Variants in FKRP observed in about 807,000 individuals in gnomAD.
FKRP encodes fukutin related protein.
A neutral mutation model predicts 30.6 loss-of-function variants in FKRP; 25 were observed. The ratio of observed to expected loss-of-function variants is 0.82; its 90% confidence interval spans 0.60 to 1.14. FKRP has a LOEUF of 1.14. Among genes scored for constraint, FKRP ranks in the 50% most tolerant of loss-of-function variants. The probability of loss-of-function intolerance (pLI) is 0.00; values close to 1 mark genes in which losing one functional copy is unlikely to be tolerated. For missense variants in FKRP, 771 were observed against 727.8 expected, an observed-to-expected ratio of 1.06 and a Z score of -0.68; for synonymous variants, 358 against 342.5, an observed-to-expected ratio of 1.05 and a Z score of -0.50.
intron 3 of FKRP, among the ~76,000 whole-genome samples, chr19:46,749,443 G>C (rs545480766): frequency 7.2e-4 from 95 of 131,622 alleles, no homozygotes; most frequent in African/African-American, 2.7e-3. Context: ...ATAAGGTCTC[G>C]AGGCCAGGCG....
At chr19:46,752,278 G>A (rs138360423) in intron 3 of FKRP, among the ~76,000 whole-genome samples, 252 of 152,298 alleles carry the variant, frequency 1.7e-3, no homozygotes, top group Non-Finnish European at 2.2e-3. Context: ...ACAGTCTCTT[G>A]CTGTGACCTT....
upstream of FKRP, chr19:46,746,021 G>C: frequency 8.4e-7 from 1 of 1,184,218 alleles, no homozygotes. Context: ...GACCGTCGCG[G>C]TCCCCTCCCG....
chr19:46,754,367 T>G (rs925188736), intron 3 of FKRP: 11 of 144,590 alleles, frequency 7.6e-5, no homozygotes, highest in Non-Finnish European at 1.5e-4. Context: ...CTTTTTTTTT[T>G]TTAATTTTTA....
intron 3 of FKRP, among the ~76,000 whole-genome samples, chr19:46,752,324 G>A (rs1026917532): frequency 3.3e-5 from 5 of 152,048 alleles, no homozygotes; most frequent in South Asian, 2.1e-4. Flanking sequence ...ATGTGTGTTC[G>A]GAGCTCCTAT....
In FKRP at chr19:46,757,581, G is replaced by A. The variant is rs1269639468; in HGVS notation, c.*643G>A. The A allele has an allele frequency of 5.8e-6, 1 of 171,660 alleles. No individual in the cohort carries two copies. Among genetic ancestry groups the A allele is most frequent in the East Asian group, 1.9e-4 (1 of 5,316 alleles). 10.6% of individuals were successfully genotyped at this position (171,660 alleles called of 1,614,324 possible). On this transcript the variant is annotated 3_prime_UTR_variant, in exon 4 of 4. Coordinates refer to ENST00000318584, the MANE Select transcript of FKRP (RefSeq NM_024301.5). Reference sequence around the variant, plus strand: ...TAGCCATCTACTCTCTTGAGCCTTTGGACTTCTCTCCAAGCCCCTGTGGGA... The same window carrying A: ...TAGCCATCTACTCTCTTGAGCCTTTAGACTTCTCTCCAAGCCCCTGTGGGA...
rs886038683 is a variant in FKRP at position 46,756,158 on chromosome 19, G to A, written c.708G>A (p.Leu236=). Residue 236 remains leucine (L), a synonymous_variant, in exon 4 of 4, where the codon CTG becomes CTA. Transcript: ENST00000318584. The surrounding 1 kb of genome is among the most constrained non-coding windows in gnomAD (Gnocchi z 6.6). ...TTCGCGGCTGGGCGGTGCAGCTGCT[G>A]GACTTGACCTTCGCCGCGGCGCGCC... ...TALRGWAVQL[L]DLTFAAARQP... 2 of 1,463,566 alleles carry A rather than the reference G, an allele frequency of 1.4e-6. No individual in the cohort carries two copies. The highest frequency in any genetic ancestry group is 5.8e-5 in the East Asian group (2 of 34,488). 90.7% of individuals were successfully genotyped at this position (1,463,566 alleles called of 1,614,324 possible).
At chr19:46,746,040 CCGGCCGT>C, upstream of FKRP, 3 of 1,182,398 alleles carry the variant, frequency 2.5e-6, no homozygotes, top group Non-Finnish European at 1.1e-6. Context: ...CGCCCCCCCG[CCGGCCGT>C]CCCGGCGGCC....
At position 46,756,582 on chromosome 19, in the gene FKRP, C is replaced by T. The variant is rs1458891749; in HGVS notation, c.1132C>T (p.Leu378=). 2 of 1,610,210 alleles carry T rather than the reference C, an allele frequency of 1.2e-6. No individual in the cohort carries two copies. The highest frequency in any genetic ancestry group is 8.5e-7 in the Non-Finnish European group (1 of 1,178,822). The part of the protein sequence containing the change: ...YLEDVGNCEQ[L]RGAEAGSVVD... ...GGAGGACGTGGGCAACTGCGAGCAG[C>T]TGCGGGGGGCAGAGGCCGGCTCGGT... Residue 378 remains leucine (L), a synonymous_variant, in exon 4 of 4, where the codon CTG becomes TTG. Coordinates refer to ENST00000318584, the MANE Select transcript of FKRP (RefSeq NM_024301.5). This position sits in a 1 kb window ranked among gnomAD's most constrained non-coding sequence, Gnocchi z 6.6.
Position 46,755,590 on chromosome 19 carries a change from C to A in FKRP, c.140C>A (p.Pro47His), listed in dbSNP as rs761512840. 2 of 1,606,318 alleles carry A rather than the reference C, an allele frequency of 1.2e-6. No individual in the cohort carries two copies. Among genetic ancestry groups the A allele is most frequent in the Non-Finnish European group, 1.7e-6 (2 of 1,177,278 alleles). Reference sequence around the variant, plus strand: ...CCCCGTCGTGCCTCTGCTGCCGGCCCCCGTGTCACCGTCCTGGTGCGGGAG... The same window carrying A: ...CCCCGTCGTGCCTCTGCTGCCGGCCACCGTGTCACCGTCCTGGTGCGGGAG... ...RGPRRASAAG[P>H]RVTVLVREFE... Residue 47 changes from proline to histidine, a missense_variant, in exon 4 of 4, where the codon CCC (proline) becomes CAC (histidine). Coordinates refer to ENST00000318584, the MANE Select transcript of FKRP (RefSeq NM_024301.5).
chr19:46,754,625 G>A (rs564949932), intron 3 of FKRP, among the ~76,000 whole-genome samples: 4 of 148,062 alleles, frequency 2.7e-5, no homozygotes, highest in East Asian at 3.9e-4. Context: ...TTTATTTTTC[G>A]AGACGGAGTC....
In FKRP at chr19:46,755,908, C is replaced by A; in HGVS notation, c.458C>A (p.Ala153Glu). ...GTGGAGGCGCTCCGCGCAGGAAGCG[C>A]ACGTCTGGTGGCCGCCCCGGTTGCC... ...RMVEALRAGS[A>E]RLVAAPVATA... The change falls in exon 4 of 4, where the codon GCA becomes GAA. Residue 153 changes from alanine to glutamate, a missense_variant. Ala to Glu is a moderately radical substitution (Grantham distance 107). Coordinates refer to ENST00000318584, the MANE Select transcript of FKRP (RefSeq NM_024301.5). 1 of 1,524,762 alleles carries A rather than the reference C, an allele frequency of 6.6e-7. No individual in the cohort carries two copies. The highest frequency in any genetic ancestry group is 8.8e-7 in the Non-Finnish European group (1 of 1,141,466). 94.5% of individuals were successfully genotyped at this position (1,524,762 alleles called of 1,614,324 possible). A position where few individuals can be genotyped will look rare whatever the true frequency, so the allele number is the denominator to read the frequency against.
In FKRP at chr19:46,756,386, C is replaced by G. The variant is rs754741423; in HGVS notation, c.936C>G (p.Arg312=). The G allele has an allele frequency of 4.5e-6, 7 of 1,565,936 alleles. No individual in the cohort carries two copies. Among genetic ancestry groups the G allele is most frequent in the Non-Finnish European group, 6.1e-6 (7 of 1,156,798 alleles). ...GDTPAYLYEE[R]WTPPCCLRAL... is the part of the protein sequence containing the mutation. ...CGCCCGCCTACCTCTACGAGGAGCG[C>G]TGGACGCCCCCCTGCTGCCTGCGCG... Residue 312 remains arginine, a synonymous_variant, in exon 4 of 4, where the codon CGC becomes CGG. Transcript: ENST00000318584. This position sits in a 1 kb window ranked among gnomAD's most constrained non-coding sequence, Gnocchi z 6.6.
chr19:46,749,415 T>C (rs1245869685), intron 3 of FKRP, among the ~76,000 whole-genome samples: 6 of 148,290 alleles, frequency 4.0e-5, no homozygotes, highest in African/African-American at 1.5e-4. Context: ...TTCCTTTTTT[T>C]TTTTTTTTTT....
chr19:46,745,399 C>G (rs1033155671), upstream of FKRP, among the ~76,000 whole-genome samples: 17 of 152,152 alleles, frequency 1.1e-4, no homozygotes, highest in African/African-American at 3.4e-4. Context: ...CCGGGATCCC[C>G]AAAGTTTCTC....
chr19:46,746,609 TGCCCGCGCGGGGGCCGGCG>T (rs535068059), intron 1 of FKRP: 59 of 188,678 alleles, frequency 3.1e-4, no homozygotes, highest in African/African-American at 1.3e-3. Flanking sequence ...AAGGGTAGCG[TGCCCGCGCGGGGGCCGGCG>T]GGTGGGAGAT....
In FKRP at chr19:46,746,490, A is replaced by G. The variant is rs1418299263; in HGVS notation, c.-253+400A>G. 4.4e-5 allele frequency: 37 copies of G among 849,018 alleles called. No homozygotes were observed. The African/African-American group carries it at 1.1e-3, about 26-fold the overall frequency. 52.6% of individuals were successfully genotyped at this position (849,018 alleles called of 1,614,324 possible). ...CCTCGCGCGCCTGCGCGGCCGCGCC[A>G]ACACCCCCCCCCCTCCCCCGCCGCA... On this transcript the variant is annotated intron_variant, in intron 1 of 3. Transcript: ENST00000318584.
intron 3 of FKRP, among the ~76,000 whole-genome samples, chr19:46,750,614 C>G (rs1018706120): frequency 1.3e-5 from 2 of 151,936 alleles, no homozygotes; most frequent in East Asian, 1.9e-4. Context: ...CAGCCTCCAC[C>G]TCCTGGGCTC....
chr19:46,749,408 C>CT (rs34544320), intron 3 of FKRP, among the ~76,000 whole-genome samples: 30,873 of 114,824 alleles, frequency 0.27, 5,336 homozygotes, highest in African/African-American at 0.43. Context: ...CCTTTGTTTC[C>CT]TTTTTTTTTT....
Position 46,755,621 on chromosome 19 carries a change from G to A in FKRP, c.171G>A (p.Glu57=). The change falls in exon 4 of 4, where the codon GAG becomes GAA. Residue 57 remains glutamate, a synonymous_variant. Transcript: ENST00000318584. ...PRVTVLVREF[E]AFDNAVPELV... ...TCACCGTCCTGGTGCGGGAGTTCGA[G>A]GCATTTGACAACGCGGTGCCCGAGC... 1.2e-6 allele frequency: 2 copies of A among 1,604,484 alleles called. No individual in the cohort carries two copies. Among genetic ancestry groups the A allele is most frequent in the Non-Finnish European group, 1.7e-6 (2 of 1,177,788 alleles).
Sources: allele counts gnomAD v4.1 joint callset (sites outside exome capture counted in the v4.1 genomes callset), GRCh38; gene constraint gnomAD v4.1.1; non-coding constraint Gnocchi (gnomAD v3.1); transcripts MANE v1.5; gene names NCBI Gene and HGNC (gene_info 2026-07-23, HGNC 2026-07-21).